Variants in SLC5A6 observed in about 807,000 individuals in gnomAD.
SLC5A6 encodes solute carrier family 5 member 6.
A neutral mutation model predicts 67.9 loss-of-function variants in SLC5A6; 31 were observed. The ratio of observed to expected loss-of-function variants is 0.46; its 90% confidence interval spans 0.34 to 0.62. The LOEUF is 0.62. SLC5A6 is among the 20% of genes least tolerant of loss of function. The pLI, the probability that SLC5A6 is intolerant of heterozygous loss-of-function variation, is 0.01. For synonymous variants in SLC5A6, 343 were observed against 331.0 expected (o/e 1.04, Z -0.39); for missense variants, 673 against 812.8 (o/e 0.83, Z 2.09).
At chr2:27,202,916 G>GTT (rs1558505400) in intron 11 of SLC5A6, 36 bp from the exon 12 acceptor site, 1 of 1,610,648 alleles carries the variant, frequency 6.2e-7, no homozygotes. Flanking sequence ...ACAAGAAGGT[G>GTT]TGAGTTAACA....
intron 9 of SLC5A6, 123 bp downstream of exon 9, chr2:27,204,338 A>AGGATTT: frequency 9.0e-7 from 1 of 1,104,984 alleles, no homozygotes; most frequent in South Asian, 1.6e-5. Flanking sequence ...AGAGTGGGAA[A>AGGATTT]GGATTTTACA....
At chr2:27,211,997 G>GCCCCCCCCC in intron 1 of SLC5A6, 23 bp downstream of exon 1, 1 of 400,534 alleles carries the variant, frequency 2.5e-6, no homozygotes, top group Non-Finnish European at 4.1e-6. Context: ...TGCCCGCCCC[G>GCCCCCCCCC]CTCGCCGTGC....
chr2:27,205,184 G>T, intron 7 of SLC5A6, 166 bp downstream of exon 7: 1 of 742,398 alleles, frequency 1.3e-6, no homozygotes, highest in South Asian at 1.9e-5. Flanking sequence ...CACTAGCCGG[G>T]CACCTGTAAT....
At chr2:27,203,174 A>G (rs1673783862) in intron 11 of SLC5A6, 59 bp downstream of exon 11, 2 of 1,603,986 alleles carry the variant, frequency 1.2e-6, no homozygotes, top group Middle Eastern at 1.7e-4. Context: ...ACTGATGACA[A>G]TGGTCAGGAT....
In SLC5A6 at chr2:27,203,336, G is replaced by T; in HGVS notation, c.1104C>A (p.Ser368=). The T allele has an allele frequency of 1.9e-6, 3 of 1,614,070 alleles. No individual in the cohort carries two copies. Among genetic ancestry groups the T allele is most frequent in the Non-Finnish European group, 1.7e-6 (2 of 1,180,000 alleles). Residue 368 remains serine, a synonymous_variant, in exon 11 of 17, where the codon TCC becomes TCA. Transcript: ENST00000310574. ...CLFSGSLSTI[S]SAFNSLATVT... ...CAGTTGCCAATGAATTAAAAGCAGA[G>T]GATATAGTGCTGAAAAAGAGGAAGA...
intron 7 of SLC5A6, 81 bp downstream of exon 7, chr2:27,205,269 T>C: frequency 7.1e-7 from 1 of 1,410,000 alleles, no homozygotes; most frequent in African/African-American, 1.4e-5. Flanking sequence ...ACCTTCTGCT[T>C]ACTATAGCCA....
At position 27,207,631 on chromosome 2, in the gene SLC5A6, G is replaced by T; in HGVS notation, c.20C>A (p.Thr7Asn). Residue 7 changes from threonine (T) to asparagine (N), a missense_variant, in exon 3 of 17, where the codon ACC becomes AAC. Thr to Asn is a moderately conservative substitution (Grantham distance 65). Coordinates refer to ENST00000310574, the MANE Select transcript of SLC5A6 (RefSeq NM_021095.4). This position sits in a 1 kb window ranked among gnomAD's most constrained non-coding sequence, Gnocchi z 5.5. MSVGVSTSAPLSPTSGT... is the reference protein window; with the variant it reads MSVGVSNSAPLSPTSGT... ...CGAGGTTGGGGAAAGAGGGGCTGAG[G>T]TGCTCACCCCTACACTCATATCCTC... 1 of 1,613,844 alleles carries T rather than the reference G, an allele frequency of 6.2e-7. No individual in the cohort carries two copies. The highest frequency in any genetic ancestry group is 8.5e-7 in the Non-Finnish European group (1 of 1,179,850).
At chr2:27,203,072 C>T in intron 11 of SLC5A6, 161 bp downstream of exon 11, 1 of 1,493,648 alleles carries the variant, frequency 6.7e-7, no homozygotes, top group South Asian at 1.4e-5. Context: ...CTAGGACATG[C>T]CCTGAGATGG....
intron 14 of SLC5A6, 65 bp downstream of exon 14, chr2:27,201,601 G>T: frequency 1.3e-6 from 2 of 1,524,956 alleles, no homozygotes; most frequent in African/African-American, 1.4e-5. Context: ...CCCTTAGCAA[G>T]ACCCCTGTGA....
At chr2:27,202,615 G>A (rs1317674151) in intron 12 of SLC5A6, among the ~76,000 whole-genome samples, 198 bp downstream of exon 12, 1 of 151,016 alleles carries the variant, frequency 6.6e-6, no homozygotes, top group East Asian at 2.0e-4. Context: ...CTCTCTCTCA[G>A]CCTACAACAT....
At chr2:27,212,348 G>A (rs1413724153), upstream of SLC5A6, 1 of 1,549,966 alleles carries the variant, frequency 6.5e-7, no homozygotes, top group East Asian at 2.4e-5. Flanking sequence ...CGCGAGCAGC[G>A]GAGCACCAAG....
Position 27,204,449 on chromosome 2 carries a change from G to T in SLC5A6, c.1005+12C>A, listed in dbSNP as rs1673895854. On this transcript the variant is annotated intron_variant, in intron 9 of 16. Transcript: ENST00000310574. ...GGCCTGCCCTCATGGGAACAGAACAGCGCCTTCTCACCTGGTCTGGGGCTG... is the reference window on the plus strand; with the variant it reads ...GGCCTGCCCTCATGGGAACAGAACATCGCCTTCTCACCTGGTCTGGGGCTG... 1 of 1,609,414 alleles carries T rather than the reference G, an allele frequency of 6.2e-7. No individual in the cohort carries two copies. The highest frequency in any genetic ancestry group is 1.3e-5 in the African/African-American group (1 of 74,854).
At chr2:27,208,097 G>T (rs1266350994) in intron 2 of SLC5A6, among the ~76,000 whole-genome samples, 1 of 152,210 alleles carries the variant, frequency 6.6e-6, no homozygotes, top group East Asian at 1.9e-4. Context: ...TTTCTTAGCA[G>T]AATTTCCCAG....
Position 27,207,188 on chromosome 2 carries a change from C to T in SLC5A6, c.393+70G>A. The T allele has an allele frequency of 6.5e-7, 1 of 1,536,012 alleles. No individual in the cohort carries two copies. The highest frequency in any genetic ancestry group is 1.4e-5 in the African/African-American group (1 of 73,444). Reference sequence around the variant, plus strand: ...AGGAGGTCTAGGGTCCCAGGTCCTTCCTATGTGCCTGTCCCTCCTCTCCAC... The same window carrying T: ...AGGAGGTCTAGGGTCCCAGGTCCTTTCTATGTGCCTGTCCCTCCTCTCCAC... On this transcript the variant is annotated intron_variant, in intron 3 of 16. Coordinates refer to ENST00000310574, the MANE Select transcript of SLC5A6 (RefSeq NM_021095.4). This position sits in a 1 kb window ranked among gnomAD's most constrained non-coding sequence, Gnocchi z 5.5.
intron 12 of SLC5A6, 95 bp from the exon 13 acceptor site, chr2:27,202,169 G>A (rs1190366862): frequency 2.3e-6 from 2 of 868,334 alleles, no homozygotes; most frequent in Non-Finnish European, 3.9e-6. Context: ...TGACCTTGGA[G>A]CCCCACTTGT....
Position 27,204,499 on chromosome 2 carries a change from G to A in SLC5A6, c.967C>T (p.Pro323Ser), listed in dbSNP as rs754226460. The change falls in exon 9 of 17, where the codon CCC becomes TCC. Residue 323 changes from proline to serine, a missense_variant. By Grantham distance (74) the Pro-to-Ser change is moderately conservative. Coordinates refer to ENST00000310574, the MANE Select transcript of SLC5A6 (RefSeq NM_021095.4). The part of the protein sequence containing the change: ...LVMFAYYQEY[P>S]MSIQQAQAAP... ...GCCTGAGCCTGCTGAATGCTCATGG[G>A]ATACTCCTGGTAATACGCGAACATG... 6.2e-7 allele frequency: 1 copy of A among 1,613,998 alleles called. No individual in the cohort carries two copies. The highest frequency in any genetic ancestry group is 1.1e-5 in the South Asian group (1 of 91,066).
At chr2:27,202,167 G>A in intron 12 of SLC5A6, 93 bp from the exon 13 acceptor site, 3 of 881,878 alleles carry the variant, frequency 3.4e-6, no homozygotes, top group Non-Finnish European at 5.7e-6. Flanking sequence ...CATGACCTTG[G>A]AGCCCCACTT....
chr2:27,200,529 C>T lies in SLC5A6; in HGVS notation c.1815G>A (p.Leu605=), dbSNP rs779913075. 1 of 1,614,078 alleles carries T rather than the reference C, an allele frequency of 6.2e-7. No homozygotes were observed. The highest frequency in any genetic ancestry group is 1.1e-5 in the South Asian group (1 of 91,080). ...LFPEKPRNGV[L]GDSRDKEAMA... Reference sequence around the variant, plus strand: ...TGGCCTCCTTGTCTCTGCTGTCCCCCAGCACACCATTCCTCGGCTTCTCAG... The same window carrying T: ...TGGCCTCCTTGTCTCTGCTGTCCCCTAGCACACCATTCCTCGGCTTCTCAG... The change falls in exon 17 of 17, where the codon CTG becomes CTA. Residue 605 remains leucine, a synonymous_variant. Transcript: ENST00000310574.
At position 27,202,039 on chromosome 2, in the gene SLC5A6, C is replaced by T. The variant is rs773420708; in HGVS notation, c.1311G>A (p.Pro437=). The change falls in exon 13 of 17, where the codon CCG becomes CCA. Residue 437 remains proline (P), a synonymous_variant. Transcript: ENST00000310574. ...AISIFGMVGG[P]LLGLFCLGMF... is the part of the protein sequence containing the mutation. The stretch of plus-strand genomic sequence containing the variant: ...TTCCAAGGCAGAAGAGTCCCAGCAG[C>T]GGTCCCCCAACCATGCCAAAGATGC... 39 of 1,613,994 alleles carry T rather than the reference C, an allele frequency of 2.4e-5. No homozygotes were observed. Among genetic ancestry groups the T allele is most frequent in the East Asian group, 4.5e-5 (2 of 44,894 alleles).
Sources: gnomAD v4.1 joint callset for allele counts (sites outside exome capture counted in the v4.1 genomes callset) on GRCh38, gnomAD v4.1.1 for gene constraint, Gnocchi (gnomAD v3.1) non-coding constraint, MANE v1.5 for transcripts, NCBI Gene and HGNC (gene_info 2026-07-23, HGNC 2026-07-21) for gene names.